The following COL18A1 variants were observed in gnomAD, a reference collection of about 807,000 sequenced individuals.
COL18A1 encodes the protein collagen alpha-1(XVIII) chain.
COL18A1 carries 133 observed loss-of-function variants against 168.0 expected under a neutral mutation model. The ratio of observed to expected loss-of-function variants is 0.79; its 90% confidence interval spans 0.69 to 0.91. COL18A1 has a LOEUF of 0.91. Among genes scored for constraint, COL18A1 ranks in the 40% least tolerant of loss-of-function variants. The pLI is 0.00. For synonymous variants in COL18A1, 949 were observed against 809.0 expected, an observed-to-expected ratio of 1.17 and a Z score of -2.94; for missense variants, 2,126 against 1,925.4, an observed-to-expected ratio of 1.10 and a Z score of -1.95.
At chr21:45,479,592 CCATGCATACCACACACACACACACAT>C (rs1373212685) in intron 9 of COL18A1, among the ~76,000 whole-genome samples, 1 of 148,802 alleles carries the variant, frequency 6.7e-6, no homozygotes, top group Non-Finnish European at 1.5e-5. Flanking sequence ...CACACACACA[CCATGCATACCACACACACACACACAT>C]GTATGTAACA....
intron 2 of COL18A1, among the ~76,000 whole-genome samples, chr21:45,440,417 C>T (rs181810361): frequency 6.6e-6 from 1 of 152,328 alleles, no homozygotes; most frequent in East Asian, 1.9e-4. Context: ...TCAGGCCCTG[C>T]CCAGGGCTGA....
rs560016326 is a variant in COL18A1 at position 45,491,138 on chromosome 21, G to A, written c.2068-87G>A. 47 of 1,227,766 alleles carry A rather than the reference G, an allele frequency of 3.8e-5. No homozygotes were observed. The African/African-American group carries it at 4.1e-4, about 11-fold the overall frequency. The allele number at this position is 1,227,766 out of a possible 1,614,324, so 76.1% of individuals were successfully genotyped here. On this transcript the variant is annotated intron_variant, in intron 21 of 41. Transcript: ENST00000651438. ...CGCCTCCTCACCCACCGTGGGCTCTGGGCACCCCCTCCAGGGCTGGGTGGA... is the reference window on the plus strand; with the variant it reads ...CGCCTCCTCACCCACCGTGGGCTCTAGGCACCCCCTCCAGGGCTGGGTGGA...
intron 6 of COL18A1, 142 bp from the exon 7 acceptor site, chr21:45,477,269 G>T (rs1184949773): frequency 1.5e-6 from 1 of 688,144 alleles, no homozygotes. Context: ...GGGGAGTGCG[G>T]CCTGAGGCTG....
chr21:45,507,875 TCAAAATCCTTGGGGC>T (rs1209250052), intron 38 of COL18A1, among the ~76,000 whole-genome samples: 1 of 152,176 alleles, frequency 6.6e-6, no homozygotes, highest in Non-Finnish European at 1.5e-5. Context: ...CTCCTCAAGG[TCAAAATCCTTGGGGC>T]CAAAATCCAC....
At chr21:45,428,034 C>G (rs1304643874) in intron 2 of COL18A1, among the ~76,000 whole-genome samples, 1 of 152,208 alleles carries the variant, frequency 6.6e-6, no homozygotes, top group Admixed American at 6.5e-5. Context: ...TACTCCTGCC[C>G]ACTGCTCGCG....
At chr21:45,505,798 T>G in intron 36 of COL18A1, 40 bp from the exon 37 acceptor site, 619 of 767,128 alleles carry the variant, frequency 8.1e-4, no homozygotes, top group Non-Finnish European at 1.2e-3. Context: ...CCCCCCGCCC[T>G]CCCCGCCAAG....
At chr21:45,411,849 C>T (rs1311341408) in intron 2 of COL18A1, among the ~76,000 whole-genome samples, 1 of 151,742 alleles carries the variant, frequency 6.6e-6, no homozygotes, top group African/African-American at 2.4e-5. Context: ...TTACACACAG[C>T]TCTGCGGCCC....
intron 2 of COL18A1, chr21:45,456,641 C>T (rs1403567505): frequency 1.1e-5 from 17 of 1,537,060 alleles, no homozygotes; most frequent in Admixed American, 3.9e-5. Flanking sequence ...GGCCGGGGCA[C>T]GGGCGTGGGG....
chr21:45,405,325 C>A, intron 1 of COL18A1, 54 bp from the exon 2 acceptor site: 2 of 985,884 alleles, frequency 2.0e-6, no homozygotes, highest in East Asian at 4.1e-5. Flanking sequence ...TCGGCCGGGT[C>A]CTGCGGGGGT....
At chr21:45,455,999 C>T (rs777041346) in intron 2 of COL18A1, 1 of 1,612,882 alleles carries the variant, frequency 6.2e-7, no homozygotes, top group South Asian at 1.1e-5. Flanking sequence ...CCTCGCTGGG[C>T]CTTCCAGCAC....
intron 1 of COL18A1, 30 bp from the exon 2 acceptor site, chr21:45,405,339 GGGGGTCCTGC>G: frequency 8.6e-7 from 1 of 1,166,808 alleles, no homozygotes; most frequent in East Asian, 3.8e-5. Context: ...CGGGGGTCGC[GGGGGTCCTGC>G]GGGGTCTGAC....
intron 22 of COL18A1, among the ~76,000 whole-genome samples, chr21:45,492,124 C>A (rs1279870595): frequency 6.6e-6 from 1 of 152,194 alleles, no homozygotes; most frequent in East Asian, 1.9e-4. Context: ...GGGCTTGCCC[C>A]AGCACGGCTT....
chr21:45,447,029 G>A (rs1041602223), intron 2 of COL18A1, among the ~76,000 whole-genome samples: 2 of 152,196 alleles, frequency 1.3e-5, no homozygotes, highest in Non-Finnish European at 2.9e-5. Flanking sequence ...TGGTGGAGGA[G>A]CGAATGCTTT....
intron 32 of COL18A1, among the ~76,000 whole-genome samples, chr21:45,503,633 T>A (rs984465437): frequency 9.7e-6 from 1 of 102,854 alleles, no homozygotes; most frequent in African/African-American, 3.8e-5. Flanking sequence ...CTGGGGACTG[T>A]TGTGGGGTGG....
Position 45,405,210 on chromosome 21 carries a change from G to C in COL18A1, c.-21G>C. On this transcript the variant is annotated 5_prime_UTR_variant, in exon 1 of 42. Coordinates refer to ENST00000651438, the MANE Select transcript of COL18A1 (RefSeq NM_001379500.1). ...GGCGGAGGAGGCAGCATCCCGCGGCGCTGACGGTCCTGGGGAGAGCATGGC... is the reference window on the plus strand; with the variant it reads ...GGCGGAGGAGGCAGCATCCCGCGGCCCTGACGGTCCTGGGGAGAGCATGGC... 6.0e-6 allele frequency: 1 copy of C among 165,592 alleles called. No homozygotes were observed. 10.3% of individuals were successfully genotyped at this position (165,592 alleles called of 1,614,324 possible).
intron 3 of COL18A1, among the ~76,000 whole-genome samples, chr21:45,472,231 G>GT (rs547123483): frequency 1.8e-3 from 262 of 143,488 alleles, no homozygotes; most frequent in Non-Finnish European, 2.6e-3. Flanking sequence ...TTTTTTTTTT[G>GT]TTTTTTTTTT....
chr21:45,512,479 C>G lies in COL18A1; in HGVS notation c.*81C>G. The G allele has an allele frequency of 7.3e-7, 1 of 1,362,048 alleles. No individual in the cohort carries two copies. Among genetic ancestry groups the G allele is most frequent in the Non-Finnish European group, 1.0e-6 (1 of 976,042 alleles). 84.4% of individuals were successfully genotyped at this position (1,362,048 alleles called of 1,614,324 possible). On this transcript the variant is annotated 3_prime_UTR_variant, in exon 42 of 42. Transcript: ENST00000651438. Reference sequence around the variant, plus strand: ...CCGTGGGCAGGGAGCGGCCGGCCAGCCCCTGGCCCCAGGACCTGGCTGCCA... The same window carrying G: ...CCGTGGGCAGGGAGCGGCCGGCCAGGCCCTGGCCCCAGGACCTGGCTGCCA...
intron 32 of COL18A1, among the ~76,000 whole-genome samples, chr21:45,503,208 T>C (rs1235159032): frequency 2.0e-5 from 3 of 152,196 alleles, no homozygotes; most frequent in Non-Finnish European, 4.4e-5. Flanking sequence ...GTGTTCCTAT[T>C]TCTCTACATC....
At chr21:45,488,487 G>T in intron 18 of COL18A1, 43 bp downstream of exon 18, 18 of 1,613,498 alleles carry the variant, frequency 1.1e-5, no homozygotes, top group Non-Finnish European at 1.4e-5. Context: ...TGCTGGCTTG[G>T]CCCTGTCTCG....
Sources: allele counts gnomAD v4.1 joint callset (sites outside exome capture counted in the v4.1 genomes callset), GRCh38; gene constraint gnomAD v4.1.1; transcripts MANE v1.5; gene names NCBI Gene and HGNC (gene_info 2026-07-23, HGNC 2026-07-21).